PLCL2: variants seen among roughly 807,000 people sequenced by gnomAD.
PLCL2 encodes inactive phospholipase C-like protein 2.
In PLCL2, 4 loss-of-function variants were observed where a neutral mutation model predicts 79.6. That is an observed-to-expected ratio of 0.05 (90% CI 0.02 to 0.11). The LOEUF is 0.11. Ranked by LOEUF, PLCL2 falls within the 10% of genes least tolerant of loss-of-function variation. The pLI is 1.00. For missense variants in PLCL2, 895 were observed against 1,291.0 expected (o/e 0.69, Z 4.70); for synonymous variants, 484 against 457.7 (o/e 1.06, Z -0.73).
chr3:17,005,120 G>C (rs1197750832), intron 1 of PLCL2, among the ~76,000 whole-genome samples: 2 of 152,078 alleles, frequency 1.3e-5, no homozygotes, highest in Non-Finnish European at 2.9e-5. Flanking sequence ...TAATCAAACA[G>C]AAAATGGGAA....
intron 1 of PLCL2, among the ~76,000 whole-genome samples, chr3:16,925,912 T>C (rs1490574922): frequency 6.6e-6 from 1 of 152,236 alleles, no homozygotes; most frequent in African/African-American, 2.4e-5. Context: ...TGATGGGTTC[T>C]ATGGTAACTC....
At chr3:16,957,283 TG>T (rs2063714926) in intron 1 of PLCL2, among the ~76,000 whole-genome samples, 1 of 152,238 alleles carries the variant, frequency 6.6e-6, no homozygotes, top group Non-Finnish European at 1.5e-5. Context: ...CATTTCGTTA[TG>T]TACCCAGTAG....
At chr3:17,047,570 T>C (rs930238964) in intron 4 of PLCL2, among the ~76,000 whole-genome samples, 28 of 152,218 alleles carry the variant, frequency 1.8e-4, no homozygotes, top group African/African-American at 6.8e-4. Flanking sequence ...AAAATAACTT[T>C]CCAAATAATA....
chr3:17,052,799 C>G (rs918527708), intron 4 of PLCL2, among the ~76,000 whole-genome samples: 5 of 152,130 alleles, frequency 3.3e-5, no homozygotes, highest in Non-Finnish European at 5.9e-5. Context: ...ATAGTAAATA[C>G]ATTTTCTCTT....
intron 4 of PLCL2, among the ~76,000 whole-genome samples, chr3:17,059,312 G>A (rs1001308950): frequency 9.9e-5 from 15 of 150,756 alleles, no homozygotes; most frequent in Admixed American, 9.9e-4. Context: ...CTGGGAGGCA[G>A]AGGTTGCAGT....
At chr3:17,089,608 T>A in intron 5 of PLCL2, 125 bp from the exon 6 acceptor site, 1 of 662,768 alleles carries the variant, frequency 1.5e-6, no homozygotes, top group Non-Finnish European at 2.6e-6. Context: ...GCAGTGCCAA[T>A]AAGAAATAAT....
At chr3:17,071,989 G>A (rs993148568) in intron 5 of PLCL2, among the ~76,000 whole-genome samples, 1 of 151,970 alleles carries the variant, frequency 6.6e-6, no homozygotes, top group African/African-American at 2.4e-5. Flanking sequence ...ACCATGCCCA[G>A]CTAATTTTTG....
At chr3:16,964,975 G>T (rs934679183) in intron 1 of PLCL2, among the ~76,000 whole-genome samples, 124 of 152,110 alleles carry the variant, frequency 8.2e-4, no homozygotes, top group African/African-American at 2.9e-3. Flanking sequence ...TAGGTTGCCT[G>T]TTCACTCTGA....
At chr3:16,902,851 TGC>T (rs1295867464) in intron 1 of PLCL2, among the ~76,000 whole-genome samples, 3 of 58,128 alleles carry the variant, frequency 5.2e-5, no homozygotes, top group East Asian at 1.1e-3. Context: ...AAAAATGCAG[TGC>T]GTGTGTGTGT....
rs1231179099 is a variant in PLCL2, at chr3:17,010,621, T to C, written c.1275T>C (p.Cys425=). Residue 425 remains cysteine (C), a synonymous_variant, in exon 2 of 6, where the codon TGT becomes TGC. Transcript: ENST00000615277. This position sits in a 1 kb window ranked among gnomAD's most constrained non-coding sequence, Gnocchi z 5.8. ...YIFDPEHKKV[C]QDMKQPLSHY... ...TCGATCCAGAACATAAGAAGGTCTG[T>C]CAGGATATGAAGCAACCTCTGTCTC... The C allele has an allele frequency of 6.2e-7, 1 of 1,614,132 alleles. No individual in the cohort carries two copies. The highest frequency in any genetic ancestry group is 1.7e-5 in the Admixed American group (1 of 60,006).
intron 1 of PLCL2, among the ~76,000 whole-genome samples, chr3:16,912,050 A>G (rs1278640592): frequency 1.3e-5 from 2 of 152,204 alleles, no homozygotes; most frequent in African/African-American, 4.8e-5. Flanking sequence ...AAATATTCCA[A>G]AATCCCAAAA....
intron 5 of PLCL2, among the ~76,000 whole-genome samples, chr3:17,073,757 G>C (rs2065084261): frequency 6.6e-6 from 1 of 152,180 alleles, no homozygotes; most frequent in Admixed American, 6.5e-5. Context: ...TCCATCTCAA[G>C]AAACCACTTT....
intron 3 of PLCL2, among the ~76,000 whole-genome samples, chr3:17,034,460 AT>A (rs759315249): frequency 5.9e-5 from 9 of 152,194 alleles, no homozygotes; most frequent in Non-Finnish European, 8.8e-5. Flanking sequence ...GCACGGCAAT[AT>A]TTGTTAACTG....
intron 1 of PLCL2, among the ~76,000 whole-genome samples, chr3:16,979,948 C>T (rs551101792): frequency 1.3e-4 from 19 of 150,316 alleles, no homozygotes; most frequent in Middle Eastern, 3.5e-3. Flanking sequence ...CCAGACAGGG[C>T]GGCTGGCCGG....
Position 17,010,384 on chromosome 3 carries a change from C to T in PLCL2, c.1038C>T (p.Phe346=), listed in dbSNP as rs1242421267. The change falls in exon 2 of 6, where the codon TTC becomes TTT. Residue 346 remains phenylalanine, a synonymous_variant. Coordinates refer to ENST00000615277, the MANE Select transcript of PLCL2 (RefSeq NM_001144382.2). This position sits in a 1 kb window ranked among gnomAD's most constrained non-coding sequence, Gnocchi z 5.8. ...HELCTRPEIY[F]LLVQFSSNKE... ...TTTGTACTAGACCTGAAATTTATTT[C>T]CTTTTAGTTCAGTTTTCAAGCAATA... 6.2e-7 allele frequency: 1 copy of T among 1,613,732 alleles called. No homozygotes were observed. Among genetic ancestry groups the T allele is most frequent in the South Asian group, 1.1e-5 (1 of 91,058 alleles).
chr3:17,069,143 T>G (rs929728970), intron 5 of PLCL2, among the ~76,000 whole-genome samples: 1 of 152,212 alleles, frequency 6.6e-6, no homozygotes, highest in African/African-American at 2.4e-5. Context: ...CAACCCAGTG[T>G]GGTCTTGATG....
chr3:17,023,777 C>G (rs1011519148), intron 3 of PLCL2, among the ~76,000 whole-genome samples: 3 of 152,164 alleles, frequency 2.0e-5, no homozygotes, highest in Non-Finnish European at 1.5e-5. Context: ...GAGCAAAAAT[C>G]TAATTTGACC....
intron 4 of PLCL2, among the ~76,000 whole-genome samples, chr3:17,057,643 G>T (rs561126849): frequency 1.3e-5 from 2 of 152,260 alleles, no homozygotes; most frequent in South Asian, 4.2e-4. Flanking sequence ...CAAATAGAAG[G>T]GCCGCTTGAG....
chr3:16,902,364 A>T (rs189644283), intron 1 of PLCL2, among the ~76,000 whole-genome samples: 4 of 152,214 alleles, frequency 2.6e-5, no homozygotes, highest in East Asian at 3.8e-4. Flanking sequence ...AGGGGCTGCT[A>T]TTAAAATTAA....
Sources: gnomAD v4.1 joint callset for allele counts (sites outside exome capture counted in the v4.1 genomes callset) on GRCh38, gnomAD v4.1.1 for gene constraint, Gnocchi (gnomAD v3.1) non-coding constraint, MANE v1.5 for transcripts, NCBI Gene and HGNC (gene_info 2026-07-23, HGNC 2026-07-21) for gene names.